ASAP2: variants seen among roughly 807,000 people sequenced by gnomAD.
ASAP2 encodes arf-GAP with SH3 domain, ANK repeat and PH domain-containing protein 2.
Under a neutral mutation model 131.4 loss-of-function variants are expected in ASAP2, and 45 were observed. The ratio of observed to expected loss-of-function variants is 0.34; its 90% CI spans 0.27 to 0.44. The LOEUF is 0.44. Ranked by LOEUF, ASAP2 falls within the 20% of genes least tolerant of loss-of-function variation. The pLI is 1.00. For missense variants in ASAP2, 1,011 were observed against 1,297.0 expected (o/e 0.78, Z 3.39); for synonymous variants, 510 against 503.0 (o/e 1.01, Z -0.19).
At chr2:9,383,218 A>T (rs1461436944) in intron 20 of ASAP2, among the ~76,000 whole-genome samples, 1 of 152,096 alleles carries the variant, frequency 6.6e-6, no homozygotes, top group East Asian at 1.9e-4. Context: ...TGTTATCTAT[A>T]GGATCAATTG....
chr2:9,319,807 G>C (rs569785942), intron 4 of ASAP2, among the ~76,000 whole-genome samples: 1 of 152,208 alleles, frequency 6.6e-6, no homozygotes, highest in African/African-American at 2.4e-5. Context: ...AATTGCACAC[G>C]GAAGAGCAGT....
At chr2:9,342,477 C>T (rs925634300) in intron 9 of ASAP2, among the ~76,000 whole-genome samples, 28 of 152,152 alleles carry the variant, frequency 1.8e-4, no homozygotes, top group Non-Finnish European at 1.5e-4. Context: ...GAACTTGGTC[C>T]CTTACCTCAC....
In ASAP2 at chr2:9,404,956, C is replaced by G. The variant is rs1040968321; in HGVS notation, c.*1629C>G. 1 of 152,252 alleles carries G rather than the reference C, an allele frequency of 6.6e-6. No individual in the cohort carries two copies. 9.4% of individuals were successfully genotyped at this position (152,252 alleles called of 1,614,324 possible). On this transcript the variant is annotated 3_prime_UTR_variant, in exon 28 of 28. Transcript: ENST00000281419. ...CTGTTTGAACCCTTCATTTAATTTT[C>G]TCATAGATTTAAGTAAACAGATGTA...
chr2:9,219,479 G>A (rs1333090264), intron 1 of ASAP2, among the ~76,000 whole-genome samples: 1 of 152,178 alleles, frequency 6.6e-6, no homozygotes, highest in South Asian at 2.1e-4. Flanking sequence ...AAATTCCATA[G>A]TTCTTTGTAT....
At chr2:9,357,525 A>T (rs62118793) in intron 14 of ASAP2, among the ~76,000 whole-genome samples, 265 of 152,202 alleles carry the variant, frequency 1.7e-3, no homozygotes, top group Middle Eastern at 3.4e-3. Flanking sequence ...GCAGGAGATG[A>T]GGTAGGGGGT....
intron 2 of ASAP2, among the ~76,000 whole-genome samples, chr2:9,280,136 A>G (rs1667036903): frequency 6.6e-6 from 1 of 152,206 alleles, no homozygotes; most frequent in South Asian, 2.1e-4. Flanking sequence ...GCTCAGGTGC[A>G]GATAGAGTTT....
intron 3 of ASAP2, among the ~76,000 whole-genome samples, chr2:9,302,381 C>T (rs1668556176): frequency 6.6e-6 from 1 of 151,628 alleles, no homozygotes; most frequent in South Asian, 2.1e-4. Flanking sequence ...CTGTATTGGC[C>T]AGGCTGGTCT....
chr2:9,384,547 G>A (rs1052147508), intron 20 of ASAP2, among the ~76,000 whole-genome samples: 2 of 152,258 alleles, frequency 1.3e-5, no homozygotes, highest in African/African-American at 4.8e-5. Context: ...CCGGCTTCAA[G>A]TTGGGGTTCC....
chr2:9,221,132 A>G lies in ASAP2; in HGVS notation c.126+13902A>G, dbSNP rs531495301. ...TTTTTTTCCCAAGATTGTTTTGGCT[A>G]TTGAGGCTCCCTTGCATTTCCATAT... is the stretch of plus-strand genomic sequence containing the variant. On this transcript the variant is annotated intron_variant, in intron 1 of 27. Coordinates refer to ENST00000281419, the MANE Select transcript of ASAP2 (RefSeq NM_003887.3). 4.6e-5 allele frequency among the ~76,000 whole-genome samples: 7 copies of G among 152,016 alleles called. No individual in the cohort carries two copies. The East Asian group carries it at 1.2e-3, about 25-fold the overall frequency.
At chr2:9,225,830 T>C (rs1010292421) in intron 1 of ASAP2, among the ~76,000 whole-genome samples, 1 of 152,176 alleles carries the variant, frequency 6.6e-6, no homozygotes, top group Non-Finnish European at 1.5e-5. Context: ...GGAAGTTAAG[T>C]GGCAACTCCT....
chr2:9,297,245 G>A, intron 2 of ASAP2, 55 bp from the exon 3 acceptor site: 1 of 1,598,794 alleles, frequency 6.3e-7, no homozygotes, highest in Non-Finnish European at 8.6e-7. Context: ...AGAACCTGGT[G>A]GGGAGTGAGG....
chr2:9,337,422 T>C (rs10208740), intron 9 of ASAP2, among the ~76,000 whole-genome samples: 49,228 of 152,126 alleles, frequency 0.32, 8,224 homozygotes, highest in Non-Finnish European at 0.36. Flanking sequence ...CAATAAGAAT[T>C]GATCATTTGG....
chr2:9,284,523 C>T (rs12471083), intron 2 of ASAP2, among the ~76,000 whole-genome samples: 14,465 of 152,082 alleles, frequency 0.095, 727 homozygotes, highest in African/African-American at 0.14. Flanking sequence ...GACATTAGGA[C>T]GATTATTTTA....
chr2:9,211,709 G>C (rs905050612), intron 1 of ASAP2, among the ~76,000 whole-genome samples: 2 of 152,164 alleles, frequency 1.3e-5, no homozygotes, highest in Non-Finnish European at 2.9e-5. Context: ...GGGCCTGCAG[G>C]CTCCCAGGGG....
chr2:9,343,115 G>A (rs1671703554), intron 9 of ASAP2, among the ~76,000 whole-genome samples: 1 of 152,196 alleles, frequency 6.6e-6, no homozygotes, highest in African/African-American at 2.4e-5. Flanking sequence ...AGGATGTTCT[G>A]TGGGGAAAGA....
rs895286991 is a variant in ASAP2, at chr2:9,345,995, G to T, written c.1023+1195G>T. Reference sequence around the variant, plus strand: ...GTGGAGGGATTCTCGGTGACCTCTGGTCTAGGGGTTTGAATGTGTCTCTGA... The same window carrying T: ...GTGGAGGGATTCTCGGTGACCTCTGTTCTAGGGGTTTGAATGTGTCTCTGA... On this transcript the variant is annotated intron_variant, in intron 11 of 27. Transcript: ENST00000281419. Among the ~76,000 whole-genome samples, 5 of 152,034 alleles carry T rather than the reference G, an allele frequency of 3.3e-5. No individual in the cohort carries two copies. The South Asian group carries it at 1.0e-3, about 32-fold the overall frequency.
intron 1 of ASAP2, among the ~76,000 whole-genome samples, chr2:9,222,857 G>A (rs565668058): frequency 5.3e-5 from 8 of 152,204 alleles, no homozygotes; most frequent in Non-Finnish European, 1.0e-4. Flanking sequence ...CTTGGGGACT[G>A]GGATGCTTAT....
intron 22 of ASAP2, 50 bp from the exon 23 acceptor site, chr2:9,391,012 G>C (rs1170228403): frequency 1.8e-5 from 29 of 1,613,512 alleles, no homozygotes; most frequent in Non-Finnish European, 2.2e-5. Flanking sequence ...GTTCGTGTGT[G>C]CACGTGTATG....
intron 9 of ASAP2, among the ~76,000 whole-genome samples, chr2:9,337,228 C>T (rs1161121289): frequency 6.6e-6 from 1 of 152,214 alleles, no homozygotes; most frequent in Non-Finnish European, 1.5e-5. Flanking sequence ...TCAACAGTCT[C>T]CTAGTTGTGG....
Sources: gnomAD v4.1 joint callset for allele counts (sites outside exome capture counted in the v4.1 genomes callset) on GRCh38, gnomAD v4.1.1 for gene constraint, MANE v1.5 for transcripts, NCBI Gene and HGNC (gene_info 2026-07-23, HGNC 2026-07-21) for gene names.